The following NFIB variants were observed in gnomAD, a reference collection of about 807,000 sequenced individuals.
NFIB encodes the protein nuclear factor 1 B-type.
A neutral mutation model predicts 61.5 loss-of-function variants in NFIB; 11 were observed. The ratio of observed to expected loss-of-function variants is 0.18; its 90% CI spans 0.11 to 0.30. NFIB has a LOEUF of 0.30. Among genes scored for constraint, NFIB ranks in the 10% least tolerant of loss-of-function variants. The probability of loss-of-function intolerance (pLI) is 1.00; values close to 1 mark genes in which losing one functional copy is unlikely to be tolerated. For missense variants in NFIB, 471 were observed against 608.9 expected (o/e 0.77, Z 2.38); for synonymous variants, 260 against 216.5 (o/e 1.20, Z -1.76).
At chr9:14,443,583 C>A in the NFIB span, among the ~76,000 whole-genome samples, 2 of 152,310 alleles carry the variant, frequency 1.3e-5, no homozygotes, top group Non-Finnish European at 2.9e-5. Context: ...TTATTCTAAC[C>A]TGGCCCCAAT....
chr9:14,374,039 G>C (rs919588249), intron 1 of NFIB, among the ~76,000 whole-genome samples: 1 of 152,094 alleles, frequency 6.6e-6, no homozygotes, highest in African/African-American at 2.4e-5. Flanking sequence ...CCATGTCCTG[G>C]GGTTGTACAC....
Position 14,309,320 on chromosome 9 carries a change from G to A in NFIB, c.31-1800C>T, listed in dbSNP as rs2060176309. ...ACAGACTGCAACATGTTAGCTGTTT[G>A]CACTTCAGATATGGAAGGAGTACAT... On this transcript the variant is annotated intron_variant, in intron 1 of 10. Coordinates refer to ENST00000380953, the MANE Select transcript of NFIB (RefSeq NM_001190737.2). 2.0e-5 allele frequency among the ~76,000 whole-genome samples: 3 copies of A among 152,298 alleles called. No homozygotes were observed. In the South Asian group the frequency reaches 6.2e-4, roughly 32 times the overall value.
chr9:14,175,661 A>G (rs16931422), intron 3 of NFIB, among the ~76,000 whole-genome samples: 4,224 of 152,294 alleles, frequency 0.028, 132 homozygotes, highest in African/African-American at 0.076. Flanking sequence ...CACTACATGC[A>G]TAAGTCAACA....
intron 2 of NFIB, among the ~76,000 whole-genome samples, chr9:14,275,906 C>T (rs896610656): frequency 6.6e-6 from 1 of 151,694 alleles, no homozygotes. Flanking sequence ...ATGTTCAAAA[C>T]TCTACCAGTA....
chr9:14,395,709 C>T (rs894944165), intron 1 of NFIB, among the ~76,000 whole-genome samples: 1 of 150,968 alleles, frequency 6.6e-6, no homozygotes, highest in Non-Finnish European at 1.5e-5. Context: ...CCTCATCCCC[C>T]TCCCATATTC....
rs1182968152 is a variant in NFIB at position 14,313,633 on chromosome 9, T to G, written c.-122A>C. On this transcript the variant is annotated 5_prime_UTR_variant, in exon 1 of 11. Transcript: ENST00000380953. This position sits in a 1 kb window ranked among gnomAD's most constrained non-coding sequence, Gnocchi z 4.5. Reference sequence around the variant, plus strand: ...GATGCGATCAATCAGGACGGGGCTCTGCGCTGGATCACCGCAACTTCACAA... The same window carrying G: ...GATGCGATCAATCAGGACGGGGCTCGGCGCTGGATCACCGCAACTTCACAA... 6.4e-7 allele frequency: 1 copy of G among 1,567,988 alleles called. No individual in the cohort carries two copies. Among genetic ancestry groups the G allele is most frequent in the Non-Finnish European group, 8.6e-7 (1 of 1,157,918 alleles).
chr9:14,197,284 T>C (rs1236910503), intron 2 of NFIB, among the ~76,000 whole-genome samples: 1 of 152,236 alleles, frequency 6.6e-6, no homozygotes, highest in East Asian at 1.9e-4. Context: ...AGTCTCACTC[T>C]CCTGTCTCAA....
chr9:14,371,818 A>G (rs894282485), intron 1 of NFIB, among the ~76,000 whole-genome samples: 1 of 152,184 alleles, frequency 6.6e-6, no homozygotes, highest in Non-Finnish European at 1.5e-5. Context: ...CTAAACAGAG[A>G]CAAAATACCA....
the NFIB span, among the ~76,000 whole-genome samples, chr9:14,405,790 C>T: frequency 6.6e-6 from 1 of 152,160 alleles, no homozygotes; most frequent in Non-Finnish European, 1.5e-5. Context: ...AGGGTGAAGT[C>T]TTCCTATTTA....
In NFIB at chr9:14,088,147, TTTTA is replaced by T. The variant is rs754078372; in HGVS notation, c.*158_*161del. 1.4e-6 allele frequency: 2 copies of T among 1,397,156 alleles called. No individual in the cohort carries two copies. Among genetic ancestry groups the T allele is most frequent in the South Asian group, 1.7e-5 (1 of 59,412 alleles). The allele number at this position is 1,397,156 out of a possible 1,614,324, so 86.5% of individuals were successfully genotyped here. On this transcript the variant is annotated 3_prime_UTR_variant, in exon 11 of 11. Coordinates refer to ENST00000380953, the MANE Select transcript of NFIB (RefSeq NM_001190737.2). ...GTCCAGTCTTCCTCTTTTCCTTTTT[TTTTA>T]TTTAAAAAAAAAATTTCTTAAACTA...
At chr9:14,331,803 G>C (rs1332611875) in intron 1 of NFIB, among the ~76,000 whole-genome samples, 1 of 152,104 alleles carries the variant, frequency 6.6e-6, no homozygotes, top group Non-Finnish European at 1.5e-5. Context: ...GTGGTTGTTT[G>C]GGGATCAAAA....
chr9:14,524,945 C>T, the NFIB span, among the ~76,000 whole-genome samples: 2 of 152,214 alleles, frequency 1.3e-5, no homozygotes, highest in African/African-American at 2.4e-5. Flanking sequence ...TGGAGCCTCA[C>T]AAGAGCTCCA....
In NFIB at chr9:14,084,880, G is replaced by C. The variant is rs777077691; in HGVS notation, c.*3429C>G. The C allele has an allele frequency of 4.3e-6, 1 of 229,988 alleles. No individual in the cohort carries two copies. Among genetic ancestry groups the C allele is most frequent in the Non-Finnish European group, 8.6e-6 (1 of 115,892 alleles). 14.2% of individuals were successfully genotyped at this position (229,988 alleles called of 1,614,324 possible). A position where few individuals can be genotyped will look rare whatever the true frequency, so the allele number is the denominator to read the frequency against. On this transcript the variant is annotated 3_prime_UTR_variant, in exon 11 of 11. Coordinates refer to ENST00000380953, the MANE Select transcript of NFIB (RefSeq NM_001190737.2). ...AAAAAATTGATTTGAAATAAAAAAAGCAACACTTGAACTAGGCCTTTGTAT... is the reference window on the plus strand; with the variant it reads ...AAAAAATTGATTTGAAATAAAAAAACCAACACTTGAACTAGGCCTTTGTAT...
At chr9:14,505,633 A>C in the NFIB span, among the ~76,000 whole-genome samples, 1 of 152,142 alleles carries the variant, frequency 6.6e-6, no homozygotes, top group African/African-American at 2.4e-5. Flanking sequence ...TAGAATTTGC[A>C]ATTCTGCTCC....
chr9:14,101,876 A>G (rs2035832484), intron 10 of NFIB, among the ~76,000 whole-genome samples: 1 of 152,212 alleles, frequency 6.6e-6, no homozygotes, highest in Non-Finnish European at 1.5e-5. Context: ...TTCCTTCTTT[A>G]GTTACTGATT....
At chr9:14,310,835 C>T (rs760308241) in intron 1 of NFIB, among the ~76,000 whole-genome samples, 3 of 152,046 alleles carry the variant, frequency 2.0e-5, no homozygotes, top group Non-Finnish European at 4.4e-5. Flanking sequence ...AGTCTTAATT[C>T]CACTAGGCAT....
chr9:14,412,136 C>G, the NFIB span, among the ~76,000 whole-genome samples: 1 of 152,142 alleles, frequency 6.6e-6, no homozygotes, highest in African/African-American at 2.4e-5. Flanking sequence ...CTGTATGAGA[C>G]AAGAGATATG....
intron 2 of NFIB, among the ~76,000 whole-genome samples, chr9:14,264,703 T>C (rs1313783254): frequency 6.6e-6 from 1 of 151,756 alleles, no homozygotes; most frequent in Non-Finnish European, 1.5e-5. Flanking sequence ...CAGACTCTAT[T>C]TCTAGAATGT....
chr9:14,156,897 T>C (rs944684520), intron 3 of NFIB, among the ~76,000 whole-genome samples: 1 of 152,160 alleles, frequency 6.6e-6, no homozygotes, highest in South Asian at 2.1e-4. Context: ...TTTGACTGGA[T>C]TTTACATAAA....
Sources: allele counts gnomAD v4.1 joint callset (sites outside exome capture counted in the v4.1 genomes callset), GRCh38; gene constraint gnomAD v4.1.1; non-coding constraint Gnocchi (gnomAD v3.1); transcripts MANE v1.5; gene names NCBI Gene and HGNC (gene_info 2026-07-23, HGNC 2026-07-21).